Variants in VIRMA observed in about 807,000 individuals in gnomAD.
VIRMA encodes the protein protein virilizer homolog.
Under a neutral mutation model 182.4 loss-of-function variants are expected in VIRMA, and 65 were observed. The observed-to-expected ratio is 0.36, with a 90% CI of 0.29 to 0.44. The LOEUF is 0.44. Among genes scored for constraint, VIRMA ranks in the 20% least tolerant of loss-of-function variants. The probability of loss-of-function intolerance (pLI) is 1.00; values close to 1 mark genes in which losing one functional copy is unlikely to be tolerated. For missense variants in VIRMA, 1,752 were observed against 2,158.1 expected (o/e 0.81, Z 3.73); for synonymous variants, 709 against 743.1 (o/e 0.95, Z 0.75).
At chr8:94,494,825 T>C (rs1390448921) in intron 20 of VIRMA, 35 bp downstream of exon 20, 28 of 1,189,616 alleles carry the variant, frequency 2.4e-5, no homozygotes, top group Non-Finnish European at 2.9e-5. Context: ...GAAAAAACAA[T>C]AACGTTTTTC....
intron 20 of VIRMA, among the ~76,000 whole-genome samples, chr8:94,493,118 T>C (rs74704358): frequency 0.09 from 13,751 of 152,256 alleles, 867 homozygotes; most frequent in South Asian, 0.21. Flanking sequence ...AAATTAACAC[T>C]GTAATATCTC....
intron 11 of VIRMA, chr8:94,512,566 C>T (rs1435314051): frequency 6.6e-6 from 1 of 152,190 alleles, no homozygotes; most frequent in Admixed American, 6.6e-5. Flanking sequence ...TGCTTGAGCC[C>T]AGGAGTTAGA....
At chr8:94,490,401 T>C (rs2130250995) in intron 22 of VIRMA, among the ~76,000 whole-genome samples, 1 of 152,322 alleles carries the variant, frequency 6.6e-6, no homozygotes, top group East Asian at 1.9e-4. Flanking sequence ...GTAAAGTGCT[T>C]ATAACAGTTC....
intron 4 of VIRMA, among the ~76,000 whole-genome samples, chr8:94,536,207 C>T (rs1195398254): frequency 6.6e-6 from 1 of 152,182 alleles, no homozygotes. Context: ...GGTTCAAAGA[C>T]TGGCCAAGGA....
intron 8 of VIRMA, among the ~76,000 whole-genome samples, chr8:94,521,080 T>A (rs1814748947): frequency 6.6e-6 from 1 of 151,990 alleles, no homozygotes; most frequent in African/African-American, 2.4e-5. Flanking sequence ...GGAGTACATG[T>A]GCAGAATGTG....
intron 8 of VIRMA, among the ~76,000 whole-genome samples, chr8:94,521,035 T>G (rs1814743482): frequency 9.2e-6 from 1 of 108,642 alleles, no homozygotes. Context: ...AATCTACTTT[T>G]TTATCTCTTT....
At chr8:94,495,658 T>C in intron 19 of VIRMA, 73 bp downstream of exon 19, 1 of 1,314,326 alleles carries the variant, frequency 7.6e-7, no homozygotes, top group Non-Finnish European at 1.0e-6. Flanking sequence ...AAAAAAACGT[T>C]TGCTGGCACC....
In VIRMA at chr8:94,495,890, TC is replaced by T; in HGVS notation, c.4384del (p.Glu1462AsnfsTer16). On this transcript the variant is annotated frameshift_variant and splice_region_variant, in exon 19 of 24. Transcript: ENST00000297591. LOFTEE classifies it high-confidence loss of function. ...LFLELEKLVLEHSKDDDNLDS... is the reference protein window; with the variant it reads ...LFLELEKLVLXHSKDDDNLDS... ...CAGATTGTCATCATCTTTTGAATGT[TC>T]CTAGATACAAATAAAGGCAGAATAA... The T allele has an allele frequency of 6.2e-7, 1 of 1,611,730 alleles. No homozygotes were observed. Among genetic ancestry groups the T allele is most frequent in the East Asian group, 2.2e-5 (1 of 44,816 alleles).
At position 94,507,927 on chromosome 8, in the gene VIRMA, ATG is replaced by A. The variant is rs1204801079; in HGVS notation, c.3880-1212_3880-1211del. ...TGTATATATGTATGTGTATATATGT[ATG>A]TACATATGTGTATATGTGTATATAT... On this transcript the variant is annotated intron_variant, in intron 15 of 23. Coordinates refer to ENST00000297591, the MANE Select transcript of VIRMA (RefSeq NM_015496.5). Among the ~76,000 whole-genome samples the A allele has an allele frequency of 1.1e-4, 16 of 148,666 alleles. 1 individual carries two copies. The highest frequency in any genetic ancestry group is 1.9e-4 in the Non-Finnish European group (13 of 67,304).
intron 1 of VIRMA, among the ~76,000 whole-genome samples, chr8:94,547,912 T>A (rs1311445675): frequency 6.8e-6 from 1 of 146,628 alleles, no homozygotes; most frequent in Non-Finnish European, 1.5e-5. Flanking sequence ...GGCATGGTGG[T>A]GTGCACCTAT....
chr8:94,497,940 A>T (rs1439662860), intron 17 of VIRMA: 1 of 152,244 alleles, frequency 6.6e-6, no homozygotes, highest in African/African-American at 2.4e-5. Flanking sequence ...GAGCCTAAGG[A>T]AGTCAAGGCT....
chr8:94,524,537 T>C (rs189417119), intron 8 of VIRMA, among the ~76,000 whole-genome samples: 2 of 152,132 alleles, frequency 1.3e-5, no homozygotes, highest in Non-Finnish European at 2.9e-5. Context: ...ACTCCTGAAC[T>C]CAGATGATCT....
At chr8:94,544,967 T>C (rs948079371) in intron 1 of VIRMA, among the ~76,000 whole-genome samples, 1 of 151,968 alleles carries the variant, frequency 6.6e-6, no homozygotes, top group Non-Finnish European at 1.5e-5. Context: ...GAGTTTATTA[T>C]ATAGAAAAAA....
intron 14 of VIRMA, 68 bp from the exon 15 acceptor site, chr8:94,510,008 A>G (rs918029348): frequency 1.2e-5 from 17 of 1,364,352 alleles, no homozygotes; most frequent in Non-Finnish European, 1.7e-5. Flanking sequence ...ACTAGTATTT[A>G]TTTCTCAATA....
chr8:94,549,887 G>A (rs1263192088), intron 1 of VIRMA, among the ~76,000 whole-genome samples: 1 of 152,058 alleles, frequency 6.6e-6, no homozygotes, highest in Non-Finnish European at 1.5e-5. Context: ...CTTGAGCTCA[G>A]GAATTCAAGA....
chr8:94,549,315 C>T (rs1815889417), intron 1 of VIRMA, among the ~76,000 whole-genome samples: 2 of 152,202 alleles, frequency 1.3e-5, no homozygotes, highest in Admixed American at 6.5e-5. Context: ...TCTTCTCTAC[C>T]ATATTACAAA....
intron 17 of VIRMA, chr8:94,498,674 G>A (rs1813871018): frequency 6.6e-6 from 1 of 152,316 alleles, no homozygotes; most frequent in Admixed American, 6.5e-5. Flanking sequence ...GTTTTGCTGT[G>A]TTGTACAGGT....
chr8:94,540,504 G>A (rs1325833629), intron 2 of VIRMA, among the ~76,000 whole-genome samples: 2 of 126,806 alleles, frequency 1.6e-5, no homozygotes, highest in African/African-American at 6.1e-5. Flanking sequence ...TGCTCTTGTC[G>A]CCCAGGCTGG....
intron 5 of VIRMA, among the ~76,000 whole-genome samples, chr8:94,532,808 A>G (rs1161564146): frequency 6.6e-6 from 1 of 152,050 alleles, no homozygotes; most frequent in Non-Finnish European, 1.5e-5. Flanking sequence ...CTACAAAAAA[A>G]TGAGTTGGGG....
Sources: allele counts gnomAD v4.1 joint callset (sites outside exome capture counted in the v4.1 genomes callset), GRCh38; gene constraint gnomAD v4.1.1; transcripts MANE v1.5; gene names NCBI Gene and HGNC (gene_info 2026-07-23, HGNC 2026-07-21).